The following ANTXR1 variants were observed in gnomAD, a reference collection of about 807,000 sequenced individuals.
ANTXR1 encodes anthrax toxin receptor 1.
A neutral mutation model predicts 78.1 loss-of-function variants in ANTXR1; 19 were observed. The ratio of observed to expected loss-of-function variants is 0.24; its 90% CI spans 0.17 to 0.36. The LOEUF (loss-of-function observed/expected upper bound fraction) is 0.36, where lower values mean the gene tolerates loss of function less well. Ranked by LOEUF, ANTXR1 falls within the 10% of genes least tolerant of loss-of-function variation. The pLI, the probability that ANTXR1 is intolerant of heterozygous loss-of-function variation, is 1.00. For synonymous variants in ANTXR1, 273 were observed against 260.5 expected, an observed-to-expected ratio of 1.05 and a Z score of -0.46; for missense variants, 518 against 718.6, an observed-to-expected ratio of 0.72 and a Z score of 3.19.
intron 10 of ANTXR1, among the ~76,000 whole-genome samples, chr2:69,121,655 C>T (rs981509572): frequency 6.6e-6 from 1 of 152,188 alleles, no homozygotes; most frequent in Admixed American, 6.5e-5. Context: ...GAATATTATC[C>T]TTTAATAATA....
rs547292876 is a variant in ANTXR1 at position 69,216,250 on chromosome 2, ACTT to A, written c.1434+22842_1434+22844del. ...CTTCCAAACATTTTTGAGCCAAAAA[ACTT>A]CTTCTTTCAATGAAATCTTACCAGA... On this transcript the variant is annotated intron_variant, in intron 17 of 17. Coordinates refer to ENST00000303714, the MANE Select transcript of ANTXR1 (RefSeq NM_032208.3). 5.3e-5 allele frequency among the ~76,000 whole-genome samples: 8 copies of A among 152,316 alleles called. No homozygotes were observed. The East Asian group carries it at 5.8e-4, about 11-fold the overall frequency.
chr2:69,150,658 A>T (rs575218638), intron 12 of ANTXR1, among the ~76,000 whole-genome samples: 1 of 96,250 alleles, frequency 1.0e-5, no homozygotes, highest in Non-Finnish European at 1.9e-5. Context: ...CACTCTTGAC[A>T]TACATATACA....
At chr2:69,059,684 A>G (rs577301658) in intron 3 of ANTXR1, among the ~76,000 whole-genome samples, 6 of 152,308 alleles carry the variant, frequency 3.9e-5, no homozygotes, top group African/African-American at 1.4e-4. Context: ...CTACTATTAC[A>G]TGCTTAATAG....
chr2:69,072,083 A>G (rs1670583267), intron 5 of ANTXR1, among the ~76,000 whole-genome samples: 1 of 152,228 alleles, frequency 6.6e-6, no homozygotes, highest in Admixed American at 6.5e-5. Context: ...ATTAGTAAAT[A>G]CTTGCATAGG....
chr2:69,021,035 G>T (rs1322260499), intron 1 of ANTXR1, among the ~76,000 whole-genome samples: 1 of 152,218 alleles, frequency 6.6e-6, no homozygotes, highest in Non-Finnish European at 1.5e-5. Context: ...AAAGGCTTCA[G>T]TGAGGATTTG....
chr2:69,083,060 C>G (rs762485911), intron 8 of ANTXR1, among the ~76,000 whole-genome samples: 4 of 152,088 alleles, frequency 2.6e-5, no homozygotes, highest in African/African-American at 7.2e-5. Flanking sequence ...TTATGAAAAC[C>G]AGATCCTGTG....
intron 1 of ANTXR1, among the ~76,000 whole-genome samples, chr2:69,022,140 G>T (rs1671207589): frequency 6.6e-6 from 1 of 152,230 alleles, no homozygotes; most frequent in African/African-American, 2.4e-5. Flanking sequence ...AAAGGCTGGG[G>T]AAAGACAGCA....
intron 13 of ANTXR1, among the ~76,000 whole-genome samples, chr2:69,168,861 G>T (rs997207381): frequency 6.6e-6 from 1 of 152,248 alleles, no homozygotes; most frequent in Non-Finnish European, 1.5e-5. Flanking sequence ...GGAGGCAGAT[G>T]AAATGAGAGT....
At chr2:69,035,849 T>C (rs1206199159) in intron 1 of ANTXR1, among the ~76,000 whole-genome samples, 1 of 152,222 alleles carries the variant, frequency 6.6e-6, no homozygotes, top group Non-Finnish European at 1.5e-5. Flanking sequence ...TTGATGGATG[T>C]AGACTTTTGT....
intron 3 of ANTXR1, among the ~76,000 whole-genome samples, chr2:69,069,422 T>C (rs1670502165): frequency 6.6e-6 from 1 of 152,102 alleles, no homozygotes; most frequent in South Asian, 2.1e-4. Context: ...AAGGCTTAAG[T>C]GGATCGATTG....
chr2:69,102,822 G>T lies in ANTXR1; in HGVS notation c.704-20G>T, dbSNP rs374651423. ...GGTTATTGGCCAAGTAACGAGTCTCGTCATTATTCTTTATTTCAGAGTCAT... is the reference window on the plus strand; with the variant it reads ...GGTTATTGGCCAAGTAACGAGTCTCTTCATTATTCTTTATTTCAGAGTCAT... On this transcript the variant is annotated intron_variant, in intron 9 of 17. Coordinates refer to ENST00000303714, the MANE Select transcript of ANTXR1 (RefSeq NM_032208.3). 3 of 1,611,756 alleles carry T rather than the reference G, an allele frequency of 1.9e-6. No homozygotes were observed. Among genetic ancestry groups the T allele is most frequent in the Admixed American group, 1.7e-5 (1 of 60,020 alleles).
At position 69,134,394 on chromosome 2, in the gene ANTXR1, C is replaced by A. The variant is rs149065154; in HGVS notation, c.951+9751C>A. On this transcript the variant is annotated intron_variant, in intron 12 of 17. Coordinates refer to ENST00000303714, the MANE Select transcript of ANTXR1 (RefSeq NM_032208.3). ...ATAGATCCAAGGGGTAGAATAGGCTCAAAGGAACAGTTTCTGGCTTCGTTT... is the reference window on the plus strand; with the variant it reads ...ATAGATCCAAGGGGTAGAATAGGCTAAAAGGAACAGTTTCTGGCTTCGTTT... 1.4e-3 allele frequency among the ~76,000 whole-genome samples: 216 copies of A among 152,230 alleles called. 2 individuals are homozygous for A. Among genetic ancestry groups the A allele is most frequent in the African/African-American group, 5.0e-3 (209 of 41,526 alleles).
chr2:69,243,483 G>A (rs1675938821), intron 17 of ANTXR1, among the ~76,000 whole-genome samples: 1 of 152,136 alleles, frequency 6.6e-6, no homozygotes, highest in African/African-American at 2.4e-5. Flanking sequence ...GGAAATGTTT[G>A]GGGGAAAAGG....
chr2:69,043,921 G>A (rs1482295394), intron 2 of ANTXR1, among the ~76,000 whole-genome samples: 1 of 152,126 alleles, frequency 6.6e-6, no homozygotes, highest in African/African-American at 2.4e-5. Flanking sequence ...GATCAGGTGT[G>A]GGAGGTTATT....
At chr2:69,203,500 G>T (rs929623563) in intron 17 of ANTXR1, among the ~76,000 whole-genome samples, 1 of 152,174 alleles carries the variant, frequency 6.6e-6, no homozygotes, top group Non-Finnish European at 1.5e-5. Context: ...TTTTTTCAGA[G>T]ATGTTAAACC....
intron 9 of ANTXR1, among the ~76,000 whole-genome samples, chr2:69,100,770 A>C (rs987937917): frequency 3.3e-5 from 5 of 152,250 alleles, no homozygotes; most frequent in Admixed American, 2.6e-4. Context: ...AACTGAGCAA[A>C]TAAGAGAAGA....
chr2:69,040,699 G>T (rs1669588753), intron 2 of ANTXR1, among the ~76,000 whole-genome samples: 1 of 152,232 alleles, frequency 6.6e-6, no homozygotes, highest in Non-Finnish European at 1.5e-5. Context: ...TATCATGGGA[G>T]TCTTGGACTT....
chr2:69,071,493 A>C (rs1670564829), intron 4 of ANTXR1, among the ~76,000 whole-genome samples: 1 of 152,236 alleles, frequency 6.6e-6, no homozygotes, highest in South Asian at 2.1e-4. Flanking sequence ...GCTCCATTAT[A>C]ACCTTAGGGG....
At chr2:69,111,951 C>T (rs1671997715) in intron 10 of ANTXR1, among the ~76,000 whole-genome samples, 1 of 152,172 alleles carries the variant, frequency 6.6e-6, no homozygotes, top group African/African-American at 2.4e-5. Context: ...AAAAAAAAGC[C>T]TATTGTTTCC....
Sources: gnomAD v4.1 joint callset for allele counts (sites outside exome capture counted in the v4.1 genomes callset) on GRCh38, gnomAD v4.1.1 for gene constraint, MANE v1.5 for transcripts, NCBI Gene and HGNC (gene_info 2026-07-23, HGNC 2026-07-21) for gene names.